PPM1L: variants seen among roughly 807,000 people sequenced by gnomAD.
PPM1L encodes the protein protein phosphatase 1L.
In PPM1L, 13 loss-of-function variants were observed where a neutral mutation model predicts 31.4. The ratio of observed to expected loss-of-function variants is 0.41; its 90% CI spans 0.27 to 0.66. The LOEUF (loss-of-function observed/expected upper bound fraction) is 0.66. PPM1L is among the 30% of genes least tolerant of loss of function. The probability of loss-of-function intolerance (pLI) is 0.29; values close to 1 mark genes in which losing one functional copy is unlikely to be tolerated. For missense variants in PPM1L, 326 were observed against 453.7 expected, an observed-to-expected ratio of 0.72 and a Z score of 2.56; for synonymous variants, 184 against 175.4, an observed-to-expected ratio of 1.05 and a Z score of -0.39.
At chr3:160,862,217 A>C (rs912549870) in intron 1 of PPM1L, among the ~76,000 whole-genome samples, 1 of 152,128 alleles carries the variant, frequency 6.6e-6, no homozygotes, top group Non-Finnish European at 1.5e-5. Flanking sequence ...TTTGTCAAAG[A>C]AAATAAGTTC....
At chr3:160,827,481 G>GTGTA (rs1354539658) in intron 1 of PPM1L, among the ~76,000 whole-genome samples, 2 of 150,576 alleles carry the variant, frequency 1.3e-5, no homozygotes, top group Non-Finnish European at 3.0e-5. Flanking sequence ...GTGTGTGTGT[G>GTGTA]TGTATGTATG....
At chr3:160,995,948 T>C (rs1717307642) in intron 2 of PPM1L, among the ~76,000 whole-genome samples, 1 of 152,124 alleles carries the variant, frequency 6.6e-6, no homozygotes, top group South Asian at 2.1e-4. Context: ...AATATTCAAC[T>C]TGGACTGAAT....
intron 3 of PPM1L, among the ~76,000 whole-genome samples, chr3:161,068,373 C>T (rs1417261751): frequency 6.6e-6 from 1 of 152,174 alleles, no homozygotes; most frequent in Non-Finnish European, 1.5e-5. Flanking sequence ...GGGGACAGAG[C>T]TGTTTTGAGA....
chr3:160,955,654 CTTT>C (rs34686234), intron 1 of PPM1L, among the ~76,000 whole-genome samples: 6 of 134,530 alleles, frequency 4.5e-5, no homozygotes, highest in Admixed American at 7.6e-5. Context: ...AACAAGTTTT[CTTT>C]TTTTTTTTTT....
chr3:160,819,413 A>G (rs952429111), intron 1 of PPM1L, among the ~76,000 whole-genome samples: 1 of 151,982 alleles, frequency 6.6e-6, no homozygotes, highest in Non-Finnish European at 1.5e-5. Flanking sequence ...GCCTTTCCAA[A>G]ACTCATTTTC....
intron 1 of PPM1L, among the ~76,000 whole-genome samples, chr3:160,899,050 G>T (rs914858452): frequency 5.9e-5 from 9 of 152,024 alleles, no homozygotes; most frequent in Admixed American, 6.6e-5. Flanking sequence ...CCTTTGTCTA[G>T]CTATGTTCCA....
chr3:160,821,350 T>C (rs1469792849), intron 1 of PPM1L, among the ~76,000 whole-genome samples: 1 of 152,100 alleles, frequency 6.6e-6, no homozygotes, highest in Non-Finnish European at 1.5e-5. Flanking sequence ...TTTAATAGTC[T>C]ATCCTGAAAG....
chr3:160,812,376 T>C (rs905282234), intron 1 of PPM1L, among the ~76,000 whole-genome samples: 3 of 152,210 alleles, frequency 2.0e-5, no homozygotes, highest in African/African-American at 7.2e-5. Context: ...TGTTCCTTTT[T>C]CTTTCTTCAT....
rs184370963 is a variant in PPM1L, at chr3:161,016,663, A to T, written c.575-48740A>T. Among the ~76,000 whole-genome samples the T allele has an allele frequency of 1.3e-4, 20 of 152,332 alleles. No individual in the cohort carries two copies. The East Asian group carries it at 3.3e-3, about 25-fold the overall frequency. Reference sequence around the variant, plus strand: ...TTCCTATTAGAGGGCGAGGCATGGTACAAATATATTTTGATAGGAGAGGTG... The same window carrying T: ...TTCCTATTAGAGGGCGAGGCATGGTTCAAATATATTTTGATAGGAGAGGTG... On this transcript the variant is annotated intron_variant, in intron 2 of 3. Transcript: ENST00000498165.
At chr3:160,871,858 G>A (rs1425781234) in intron 1 of PPM1L, among the ~76,000 whole-genome samples, 1 of 150,814 alleles carries the variant, frequency 6.6e-6, no homozygotes, top group East Asian at 1.9e-4. Context: ...TTTTATTATG[G>A]TTCACATTGT....
At chr3:161,058,574 A>G (rs1444536756) in intron 2 of PPM1L, among the ~76,000 whole-genome samples, 1 of 151,986 alleles carries the variant, frequency 6.6e-6, no homozygotes, top group African/African-American at 2.4e-5. Flanking sequence ...AGTGCTTTGT[A>G]TACTATACAA....
At chr3:160,876,287 T>C (rs1220246327) in intron 1 of PPM1L, among the ~76,000 whole-genome samples, 1 of 152,166 alleles carries the variant, frequency 6.6e-6, no homozygotes, top group Non-Finnish European at 1.5e-5. Context: ...AGGGAAAAAC[T>C]TGAAGACCAT....
At chr3:160,954,483 C>A (rs556812804) in intron 1 of PPM1L, among the ~76,000 whole-genome samples, 3 of 152,194 alleles carry the variant, frequency 2.0e-5, no homozygotes, top group Non-Finnish European at 4.4e-5. Flanking sequence ...CCACCTCAGC[C>A]TCCTGAGTAG....
intron 1 of PPM1L, among the ~76,000 whole-genome samples, chr3:160,847,567 A>G (rs1714120818): frequency 6.6e-6 from 1 of 152,074 alleles, no homozygotes; most frequent in Non-Finnish European, 1.5e-5. Flanking sequence ...CCTAGTACAT[A>G]TTTTCTCTTT....
At chr3:160,865,309 A>G (rs558849974) in intron 1 of PPM1L, among the ~76,000 whole-genome samples, 13 of 152,390 alleles carry the variant, frequency 8.5e-5, no homozygotes, top group African/African-American at 3.1e-4. Flanking sequence ...GAAACATTTT[A>G]AAGCTTTGAA....
At chr3:160,946,434 C>T (rs1040539384) in intron 1 of PPM1L, among the ~76,000 whole-genome samples, 1 of 152,096 alleles carries the variant, frequency 6.6e-6, no homozygotes, top group African/African-American at 2.4e-5. Context: ...CAGAGAGCTC[C>T]GCCAACCCAC....
intron 1 of PPM1L, among the ~76,000 whole-genome samples, chr3:160,910,093 T>A (rs992283544): frequency 6.6e-6 from 1 of 152,208 alleles, no homozygotes. Flanking sequence ...TGTTTAAGCA[T>A]GTCAGAAGAA....
At chr3:160,844,325 GAGA>G (rs1714004713) in intron 1 of PPM1L, among the ~76,000 whole-genome samples, 2 of 152,300 alleles carry the variant, frequency 1.3e-5, no homozygotes, top group Non-Finnish European at 2.9e-5. Flanking sequence ...AGATACAGAA[GAGA>G]AGAAGTGGAG....
chr3:160,837,284 A>G (rs1182533821), intron 1 of PPM1L, among the ~76,000 whole-genome samples: 1 of 152,186 alleles, frequency 6.6e-6, no homozygotes, highest in Non-Finnish European at 1.5e-5. Flanking sequence ...ATCTGGGTCT[A>G]CTGGTTGAAT....
Sources: gnomAD v4.1 joint callset for allele counts (sites outside exome capture counted in the v4.1 genomes callset) on GRCh38, gnomAD v4.1.1 for gene constraint, MANE v1.5 for transcripts, NCBI Gene and HGNC (gene_info 2026-07-23, HGNC 2026-07-21) for gene names.